Variants in THRAP3 observed in about 807,000 individuals in gnomAD.
THRAP3 encodes the protein thyroid hormone receptor-associated protein 3.
In THRAP3, 16 loss-of-function variants were observed where a neutral mutation model predicts 101.0. The ratio of observed to expected loss-of-function variants is 0.16; its 90% CI spans 0.11 to 0.24. The LOEUF (loss-of-function observed/expected upper bound fraction) is 0.24, where lower values mean the gene tolerates loss of function less well. Among genes scored for constraint, THRAP3 ranks in the 10% least tolerant of loss-of-function variants. THRAP3 has a pLI of 1.00. For synonymous variants in THRAP3, 407 were observed against 422.6 expected (o/e 0.96, Z 0.45); for missense variants, 989 against 1,202.7 (o/e 0.82, Z 2.63).
upstream of THRAP3, among the ~76,000 whole-genome samples, chr1:36,224,183 C>G (rs1399292869): frequency 6.6e-6 from 1 of 152,244 alleles, no homozygotes; most frequent in Admixed American, 6.5e-5. Context: ...CCGCCCCTTC[C>G]GTCCACCGCC....
At chr1:36,295,897 C>G (rs1645942753) in intron 8 of THRAP3, among the ~76,000 whole-genome samples, 1 of 144,630 alleles carries the variant, frequency 6.9e-6, no homozygotes. Flanking sequence ...TTAGTGGTGG[C>G]TAATCCTGAG....
intron 1 of THRAP3, among the ~76,000 whole-genome samples, chr1:36,252,737 T>G (rs762081969): frequency 6.6e-6 from 1 of 151,480 alleles, no homozygotes; most frequent in Non-Finnish European, 1.5e-5. Flanking sequence ...AAACCCTGTC[T>G]CTACTAAAAA....
At chr1:36,226,599 G>A (rs749610442) in intron 1 of THRAP3, among the ~76,000 whole-genome samples, 18 of 152,150 alleles carry the variant, frequency 1.2e-4, no homozygotes, top group Non-Finnish European at 2.4e-4. Context: ...TAACCACTAA[G>A]CATTTTAGGG....
chr1:36,297,134 T>C (rs1645962730), intron 9 of THRAP3, among the ~76,000 whole-genome samples: 1 of 152,236 alleles, frequency 6.6e-6, no homozygotes, highest in South Asian at 2.1e-4. Flanking sequence ...AAAGTCATTG[T>C]CAAGTAATAA....
At chr1:36,292,808 C>T in intron 7 of THRAP3, 99 bp downstream of exon 7, 1 of 832,184 alleles carries the variant, frequency 1.2e-6, no homozygotes. Flanking sequence ...ACCTTTAATA[C>T]AAAATTTACA....
At chr1:36,230,827 T>C (rs1645019938) in intron 1 of THRAP3, among the ~76,000 whole-genome samples, 1 of 152,200 alleles carries the variant, frequency 6.6e-6, no homozygotes, top group African/African-American at 2.4e-5. Context: ...TTTGAATTAG[T>C]TGTCAACATT....
chr1:36,286,526 A>G lies in THRAP3; in HGVS notation c.296A>G (p.Tyr99Cys). The change falls in exon 4 of 12, where the codon TAT (tyrosine) becomes TGT (cysteine). Residue 99 changes from tyrosine to cysteine, a missense_variant. By Grantham distance (194) the Tyr-to-Cys change is radical. Coordinates refer to ENST00000354618, the MANE Select transcript of THRAP3 (RefSeq NM_005119.4). The surrounding 1 kb of genome is among the most constrained non-coding windows in gnomAD (Gnocchi z 5.5). ...RNRGFYPWGQ[Y>C]NRGGYGNYRS... is the part of the protein sequence containing the mutation. Reference sequence around the variant, plus strand: ...AGAGGCTTTTATCCATGGGGCCAATATAACCGAGGAGGCTATGGAAACTAC... The same window carrying G: ...AGAGGCTTTTATCCATGGGGCCAATGTAACCGAGGAGGCTATGGAAACTAC... The G allele has an allele frequency of 1.2e-6, 2 of 1,614,154 alleles. No individual in the cohort carries two copies. Among genetic ancestry groups the G allele is most frequent in the Non-Finnish European group, 1.7e-6 (2 of 1,180,030 alleles).
chr1:36,229,320 T>C (rs1644997793), intron 1 of THRAP3, among the ~76,000 whole-genome samples: 1 of 151,630 alleles, frequency 6.6e-6, no homozygotes, highest in Non-Finnish European at 1.5e-5. Flanking sequence ...ATGGTCTCCA[T>C]CTCCTGACCT....
intron 4 of THRAP3, chr1:36,288,051 C>T: frequency 1.0e-6 from 1 of 967,244 alleles, no homozygotes; most frequent in Non-Finnish European, 1.2e-6. Context: ...TTCTTCTTGG[C>T]TGTATTAACA....
upstream of THRAP3, among the ~76,000 whole-genome samples, chr1:36,222,522 T>C (rs1045572153): frequency 1.3e-5 from 2 of 152,062 alleles, no homozygotes; most frequent in East Asian, 1.9e-4. Flanking sequence ...TTCTCCTGTC[T>C]CAGCCTCCTG....
chr1:36,216,752 C>T, the THRAP3 span, among the ~76,000 whole-genome samples: 1 of 152,100 alleles, frequency 6.6e-6, no homozygotes, highest in African/African-American at 2.4e-5. Flanking sequence ...GCACTCCAGT[C>T]TGTGGGACAG....
chr1:36,249,585 A>G (rs1238043682), intron 1 of THRAP3, among the ~76,000 whole-genome samples: 1 of 152,104 alleles, frequency 6.6e-6, no homozygotes, highest in Non-Finnish European at 1.5e-5. Flanking sequence ...ACCTGGAATG[A>G]GATGCTCACT....
intron 1 of THRAP3, among the ~76,000 whole-genome samples, chr1:36,254,725 T>C (rs968799149): frequency 6.6e-6 from 1 of 152,108 alleles, no homozygotes; most frequent in Non-Finnish European, 1.5e-5. Flanking sequence ...GCAGCTAATC[T>C]GGGGGAAAAA....
In THRAP3 at chr1:36,269,822, AC is replaced by A. The variant is rs549642861; in HGVS notation, c.-32+10342del. ...CGACATCCTGGGCTCAAGCAGTCCT[AC>A]CCCTCAACCTCCCAAAGTGCTGGGA... is the stretch of plus-strand genomic sequence containing the variant. On this transcript the variant is annotated intron_variant, in intron 2 of 11. Transcript: ENST00000354618. Among the ~76,000 whole-genome samples the A allele has an allele frequency of 1.2e-3, 184 of 151,460 alleles. 1 individual carries two copies. Among genetic ancestry groups the A allele is most frequent in the African/African-American group, 4.2e-3 (174 of 41,280 alleles).
At chr1:36,263,067 C>T (rs1645468051) in intron 2 of THRAP3, among the ~76,000 whole-genome samples, 1 of 149,586 alleles carries the variant, frequency 6.7e-6, no homozygotes, top group Admixed American at 6.8e-5. Context: ...ACCTTGGCCT[C>T]CCAAAGTGTT....
intron 1 of THRAP3, among the ~76,000 whole-genome samples, chr1:36,255,487 G>A (rs1231680402): frequency 6.6e-6 from 1 of 151,908 alleles, no homozygotes; most frequent in Non-Finnish European, 1.5e-5. Flanking sequence ...AAGAATGCCA[G>A]GCCAGGCGCG....
At chr1:36,246,052 G>T (rs965817202) in intron 1 of THRAP3, among the ~76,000 whole-genome samples, 1 of 152,128 alleles carries the variant, frequency 6.6e-6, no homozygotes, top group Non-Finnish European at 1.5e-5. Flanking sequence ...ATGTAAGTGA[G>T]GCAAGGAAAG....
chr1:36,234,783 C>A (rs1216294462), intron 1 of THRAP3, among the ~76,000 whole-genome samples: 2 of 138,322 alleles, frequency 1.4e-5, no homozygotes, highest in East Asian at 4.1e-4. Context: ...CTTGCCTCTT[C>A]TCTTCCTTTA....
intron 2 of THRAP3, among the ~76,000 whole-genome samples, chr1:36,275,965 G>A (rs1179940824): frequency 1.3e-5 from 2 of 152,180 alleles, no homozygotes; most frequent in East Asian, 1.9e-4. Context: ...GCTGCAGTGA[G>A]TTGAGATTGC....
Sources: allele counts gnomAD v4.1 joint callset (sites outside exome capture counted in the v4.1 genomes callset), GRCh38; gene constraint gnomAD v4.1.1; non-coding constraint Gnocchi (gnomAD v3.1); transcripts MANE v1.5; gene names NCBI Gene and HGNC (gene_info 2026-07-23, HGNC 2026-07-21).